The following TRPM3 variants were observed in gnomAD, a reference collection of about 807,000 sequenced individuals.
TRPM3 encodes long transient receptor potential channel 3.
In TRPM3, 77 loss-of-function variants were observed where a neutral mutation model predicts 181.2. The observed-to-expected ratio is 0.42, with a 90% CI of 0.35 to 0.51. The LOEUF (loss-of-function observed/expected upper bound fraction) is 0.51, where lower values mean the gene tolerates loss of function less well. TRPM3 is among the 20% of genes least tolerant of loss of function. TRPM3 has a pLI of 0.01. For missense variants in TRPM3, 1,759 were observed against 2,196.7 expected (o/e 0.80, Z 3.98); for synonymous variants, 745 against 796.4 (o/e 0.94, Z 1.09).
rs73450148 is a variant in TRPM3 at position 70,544,300 on chromosome 9, G to A, written c.3707+5242C>T. Among the ~76,000 whole-genome samples the A allele has an allele frequency of 6.6e-3, 1,005 of 152,124 alleles. 9 individuals carry two copies. Among genetic ancestry groups the A allele is most frequent in the African/African-American group, 0.023 (958 of 41,490 alleles). ...CTCAGTAGTAGGTAATTAAACAGAC[G>A]GTATTTTTTGATTGCTTACAAAAGA... On this transcript the variant is annotated intron_variant, in intron 25 of 25. Coordinates refer to ENST00000677713, the MANE Select transcript of TRPM3 (RefSeq NM_001366145.2).
At chr9:70,760,015 G>A (rs898160359) in intron 8 of TRPM3, among the ~76,000 whole-genome samples, 6 of 151,998 alleles carry the variant, frequency 3.9e-5, no homozygotes, top group Admixed American at 1.3e-4. Flanking sequence ...CCTGAGCCTG[G>A]AGCTAGGAAT....
At chr9:71,192,176 A>C (rs1299956978) in intron 1 of TRPM3, among the ~76,000 whole-genome samples, 1 of 151,886 alleles carries the variant, frequency 6.6e-6, no homozygotes, top group African/African-American at 2.4e-5. Flanking sequence ...ACCTTTATAT[A>C]GCATTTTTAA....
At chr9:70,934,919 G>T (rs1483781270) in intron 1 of TRPM3, among the ~76,000 whole-genome samples, 3 of 152,144 alleles carry the variant, frequency 2.0e-5, no homozygotes, top group Non-Finnish European at 4.4e-5. Context: ...GGGTATTCTT[G>T]TTCTGCTACA....
At chr9:70,935,864 A>G (rs970609344) in intron 1 of TRPM3, among the ~76,000 whole-genome samples, 1 of 152,198 alleles carries the variant, frequency 6.6e-6, no homozygotes, top group Non-Finnish European at 1.5e-5. Context: ...ATCAGTTACC[A>G]ATTCCCAAAT....
chr9:71,235,290 C>T (rs1223892609), intron 1 of TRPM3, among the ~76,000 whole-genome samples: 1 of 152,224 alleles, frequency 6.6e-6, no homozygotes, highest in African/African-American at 2.4e-5. Flanking sequence ...TCTCATCCTC[C>T]CCAGTTATTC....
At chr9:70,768,161 T>C (rs993481402) in intron 7 of TRPM3, among the ~76,000 whole-genome samples, 1 of 152,208 alleles carries the variant, frequency 6.6e-6, no homozygotes, top group African/African-American at 2.4e-5. Context: ...AATTTTCTCT[T>C]CTAACAGATC....
chr9:71,323,006 T>C (rs917644246), intron 1 of TRPM3, among the ~76,000 whole-genome samples: 7 of 152,154 alleles, frequency 4.6e-5, no homozygotes, highest in African/African-American at 1.7e-4. Flanking sequence ...TTTTTGCCCT[T>C]TGTTAAATTT....
intron 1 of TRPM3, among the ~76,000 whole-genome samples, chr9:71,286,840 G>A (rs2085313963): frequency 1.3e-5 from 2 of 150,690 alleles, no homozygotes; most frequent in African/African-American, 4.9e-5. Context: ...TGCCTGGATT[G>A]TTTTCTCACA....
chr9:70,804,738 A>T (rs1312519900), intron 6 of TRPM3, among the ~76,000 whole-genome samples: 1 of 148,048 alleles, frequency 6.8e-6, no homozygotes, highest in Non-Finnish European at 1.5e-5. Flanking sequence ...CTTCCCCACG[A>T]CTCTATTTGA....
intron 1 of TRPM3, among the ~76,000 whole-genome samples, chr9:71,178,167 G>GT (rs765638924): frequency 1.3e-5 from 2 of 151,914 alleles, no homozygotes; most frequent in African/African-American, 2.4e-5. Context: ...AGGTATCACT[G>GT]TTTTTTTATC....
chr9:71,428,611 A>C (rs1037649602), intron 1 of TRPM3, among the ~76,000 whole-genome samples: 1 of 152,170 alleles, frequency 6.6e-6, no homozygotes, highest in African/African-American at 2.4e-5. Context: ...ATCATTGATG[A>C]ATCTCTACCA....
chr9:70,933,833 G>T (rs192011179), intron 1 of TRPM3, among the ~76,000 whole-genome samples: 1 of 152,092 alleles, frequency 6.6e-6, no homozygotes, highest in Non-Finnish European at 1.5e-5. Context: ...TATAGTGTTG[G>T]GTTCCTGAGA....
chr9:70,572,072 G>A (rs2052561687), intron 22 of TRPM3, among the ~76,000 whole-genome samples: 1 of 151,966 alleles, frequency 6.6e-6, no homozygotes, highest in Non-Finnish European at 1.5e-5. Flanking sequence ...TGACCCTGGA[G>A]TGTGAGGGCC....
chr9:71,134,023 G>A (rs11142695), intron 1 of TRPM3, among the ~76,000 whole-genome samples: 17,915 of 135,668 alleles, frequency 0.13, 1,375 homozygotes, highest in Admixed American at 0.19. Context: ...GTGCGCGTGC[G>A]CGCGCGCGCG....
chr9:71,109,493 A>T (rs987239119), intron 1 of TRPM3, among the ~76,000 whole-genome samples: 1 of 152,204 alleles, frequency 6.6e-6, no homozygotes, highest in African/African-American at 2.4e-5. Context: ...CATACCAACT[A>T]TACGCAAACA....
At chr9:71,179,911 T>C (rs1016990771) in intron 1 of TRPM3, among the ~76,000 whole-genome samples, 12 of 152,128 alleles carry the variant, frequency 7.9e-5, no homozygotes, top group African/African-American at 2.7e-4. Context: ...CCATATGGCA[T>C]TCACGTGCCT....
intron 1 of TRPM3, among the ~76,000 whole-genome samples, chr9:71,152,125 T>C (rs1394944129): frequency 6.6e-6 from 1 of 152,140 alleles, no homozygotes; most frequent in African/African-American, 2.4e-5. Context: ...TAATCACATA[T>C]AAAACTGTGA....
At chr9:70,775,210 C>T (rs1172048607) in intron 7 of TRPM3, 4 of 152,206 alleles carry the variant, frequency 2.6e-5, no homozygotes, top group African/African-American at 2.4e-5. Flanking sequence ...AACACCAGTA[C>T]ATTTTATTAT....
At chr9:70,869,334 G>T (rs2095735226) in intron 1 of TRPM3, among the ~76,000 whole-genome samples, 1 of 151,550 alleles carries the variant, frequency 6.6e-6, no homozygotes, top group Non-Finnish European at 1.5e-5. Flanking sequence ...GTCCTAACAG[G>T]CTCCCCCGCC....
Sources: allele counts gnomAD v4.1 joint callset (sites outside exome capture counted in the v4.1 genomes callset), GRCh38; gene constraint gnomAD v4.1.1; transcripts MANE v1.5; gene names NCBI Gene and HGNC (gene_info 2026-07-23, HGNC 2026-07-21).